The following ZPLD1 variants were observed in gnomAD, a reference collection of about 807,000 sequenced individuals.
ZPLD1 encodes the protein zona pellucida-like domain-containing protein 1.
ZPLD1 carries 34 observed loss-of-function variants against 47.2 expected under a neutral mutation model. The observed-to-expected ratio is 0.72, with a 90% confidence interval of 0.55 to 0.96. The LOEUF (loss-of-function observed/expected upper bound fraction) is 0.96. ZPLD1 is among the 40% of genes least tolerant of loss of function. The pLI is 0.00. For missense variants in ZPLD1, 512 were observed against 505.8 expected (o/e 1.01, Z -0.12); for synonymous variants, 176 against 186.2 (o/e 0.95, Z 0.45).
At chr3:102,434,959 A>G, upstream of ZPLD1, 4 of 707,458 alleles carry the variant, frequency 5.7e-6, no homozygotes, top group Non-Finnish European at 2.4e-6. Flanking sequence ...CTGGAATTGC[A>G]CCTGCCTAAG....
chr3:102,464,310 A>G, intron 8 of ZPLD1, 59 bp downstream of exon 8: 1 of 1,169,574 alleles, frequency 8.6e-7, no homozygotes, highest in Non-Finnish European at 1.3e-6. Context: ...TAGATAATTG[A>G]AATGGAATAT....
chr3:102,430,252 C>T (rs1220627129), upstream of ZPLD1, among the ~76,000 whole-genome samples: 3 of 152,146 alleles, frequency 2.0e-5, no homozygotes, highest in Non-Finnish European at 4.4e-5. Flanking sequence ...CTTGCTCCAG[C>T]CTTCATCTGA....
At chr3:102,396,618 C>T (rs540424558) in intron 7 of ZPLD1, among the ~76,000 whole-genome samples, 7 of 152,174 alleles carry the variant, frequency 4.6e-5, no homozygotes, top group Admixed American at 2.6e-4. Flanking sequence ...AGCACAGTCC[C>T]GATGAGGACA....
Position 102,470,374 on chromosome 3 carries a change from T to C in ZPLD1, c.934-20T>C. 1 of 1,603,988 alleles carries C rather than the reference T, an allele frequency of 6.2e-7. No individual in the cohort carries two copies. Among genetic ancestry groups the C allele is most frequent in the Non-Finnish European group, 8.5e-7 (1 of 1,171,264 alleles). ...TTCTGCGCCGGTGTGGAATTTCATT[T>C]GTTTTCATTAACACCTCAGATTTGC... On this transcript the variant is annotated intron_variant, in intron 9 of 11. Coordinates refer to ENST00000466937, the MANE Select transcript of ZPLD1 (RefSeq NM_001329788.2).
intron 8 of ZPLD1, among the ~76,000 whole-genome samples, chr3:102,421,398 A>T (rs1240890949): frequency 6.6e-6 from 1 of 151,872 alleles, no homozygotes; most frequent in Non-Finnish European, 1.5e-5. Flanking sequence ...GTAATAAGTT[A>T]TAATAATTGA....
chr3:102,405,403 G>T (rs1353043636), intron 7 of ZPLD1, among the ~76,000 whole-genome samples: 1 of 151,958 alleles, frequency 6.6e-6, no homozygotes. Context: ...AAAGTAGAAT[G>T]TTTTAGTTGC....
intron 3 of ZPLD1, among the ~76,000 whole-genome samples, chr3:102,446,105 A>G (rs907585709): frequency 6.6e-6 from 1 of 152,222 alleles, no homozygotes; most frequent in Non-Finnish European, 1.5e-5. Flanking sequence ...TTAAAGACTT[A>G]CACACCATTG....
rs1287406262 is a variant in ZPLD1, at chr3:102,470,503, G to T, written c.1042+1G>T. On this transcript the variant is annotated splice_donor_variant, in intron 10 of 11. Transcript: ENST00000466937. LOFTEE classifies it high-confidence loss of function. ...GCTGGTCCCATCATTACTCGGAGTG[G>T]TAAGTGTGCTCCTCCTTCTGTATGT... 1 of 1,613,048 alleles carries T rather than the reference G, an allele frequency of 6.2e-7. No homozygotes were observed.
In ZPLD1 at chr3:102,420,968, A is replaced by G. The variant is rs528087239; in HGVS notation, c.-9+2761A>G. ...AATACAGATGCTAAATTCAAAAAGT[A>G]TATTTAGTTTGATAAAAGTCACCTA... On this transcript the variant is annotated intron_variant, in intron 8 of 17. Coordinates refer to the ZPLD1 transcript ENST00000491959. Among the ~76,000 whole-genome samples, 7 of 152,080 alleles carry G rather than the reference A, an allele frequency of 4.6e-5. No homozygotes were observed. In the South Asian group the frequency reaches 1.0e-3, roughly 22 times the overall value.
chr3:102,412,645 A>C lies in ZPLD1; in HGVS notation c.-156-5415A>C, dbSNP rs145045117. On this transcript the variant is annotated intron_variant, in intron 7 of 17. Coordinates refer to the ZPLD1 transcript ENST00000491959. ...TTCCAAGGAGGAAGAATAAGTAACT[A>C]TAACAGAAAGATAGAGTTTACTTCA... 6.0e-3 allele frequency among the ~76,000 whole-genome samples: 906 copies of C among 151,902 alleles called. 16 individuals carry two copies. Among genetic ancestry groups the C allele is most frequent in the African/African-American group, 0.021 (864 of 41,510 alleles).
intron 7 of ZPLD1, among the ~76,000 whole-genome samples, chr3:102,405,687 A>G (rs375550504): frequency 6.6e-6 from 1 of 152,176 alleles, no homozygotes; most frequent in East Asian, 1.9e-4. Context: ...GTCAGCTATA[A>G]CCAGATAGAC....
chr3:102,434,105 G>A (rs186137406), upstream of ZPLD1, among the ~76,000 whole-genome samples: 30 of 152,172 alleles, frequency 2.0e-4, no homozygotes, highest in African/African-American at 5.3e-4. Flanking sequence ...GACCCTGTGC[G>A]AGTCAATTAA....
intron 7 of ZPLD1, among the ~76,000 whole-genome samples, chr3:102,410,456 G>A (rs1345953657): frequency 6.6e-6 from 1 of 151,680 alleles, no homozygotes; most frequent in Non-Finnish European, 1.5e-5. Context: ...CACCATAGAA[G>A]TGCTGTTTTC....
upstream of ZPLD1, among the ~76,000 whole-genome samples, chr3:102,432,333 G>T (rs955580254): frequency 6.6e-6 from 1 of 152,100 alleles, no homozygotes; most frequent in Non-Finnish European, 1.5e-5. Context: ...GAGGACTGGG[G>T]CCTCACCGAT....
At position 102,477,882 on chromosome 3, in the gene ZPLD1, C is replaced by T. The variant is rs1275436292; in HGVS notation, c.*264C>T. The T allele has an allele frequency of 3.4e-6, 1 of 290,198 alleles. No individual in the cohort carries two copies. Among genetic ancestry groups the T allele is most frequent in the African/African-American group, 2.2e-5 (1 of 46,016 alleles). The allele number at this position is 290,198 out of a possible 1,614,324, so 18.0% of individuals were successfully genotyped here. Reference sequence around the variant, plus strand: ...AAAAATATTCAGGACTTAGGGCTTACAGGATCAGTAATATTTCATTTTATT... The same window carrying T: ...AAAAATATTCAGGACTTAGGGCTTATAGGATCAGTAATATTTCATTTTATT... On this transcript the variant is annotated 3_prime_UTR_variant, in exon 12 of 12. Transcript: ENST00000466937.
At chr3:102,458,959 G>A (rs975376463) in intron 6 of ZPLD1, among the ~76,000 whole-genome samples, 10 of 151,436 alleles carry the variant, frequency 6.6e-5, no homozygotes, top group Admixed American at 5.9e-4. Context: ...GCGTGGTGGC[G>A]GGCACCTGTA....
intron 8 of ZPLD1, among the ~76,000 whole-genome samples, chr3:102,422,566 G>A (rs1013644337): frequency 1.3e-5 from 2 of 152,040 alleles, no homozygotes; most frequent in Admixed American, 6.6e-5. Flanking sequence ...CTATGAGCAC[G>A]AAGGGGTTGT....
chr3:102,467,421 T>C (rs926123558), intron 8 of ZPLD1, among the ~76,000 whole-genome samples: 1 of 152,040 alleles, frequency 6.6e-6, no homozygotes, highest in Non-Finnish European at 1.5e-5. Flanking sequence ...CTATCAGATA[T>C]CACAATCAAT....
chr3:102,439,091 T>A (rs569892701), intron 3 of ZPLD1, among the ~76,000 whole-genome samples: 12 of 152,332 alleles, frequency 7.9e-5, no homozygotes, highest in African/African-American at 2.9e-4. Flanking sequence ...ATACGAGATT[T>A]GGCAACATTG....
Sources: allele counts gnomAD v4.1 joint callset (sites outside exome capture counted in the v4.1 genomes callset), GRCh38; gene constraint gnomAD v4.1.1; transcripts MANE v1.5; gene names NCBI Gene and HGNC (gene_info 2026-07-23, HGNC 2026-07-21).